The following TUBGCP3 variants were observed in gnomAD, a reference collection of about 807,000 sequenced individuals.
TUBGCP3 encodes gamma-tubulin complex component 3.
Under a neutral mutation model 123.1 loss-of-function variants are expected in TUBGCP3, and 50 were observed. The observed-to-expected ratio is 0.41, with a 90% CI of 0.32 to 0.51. TUBGCP3 has a LOEUF of 0.51. Among genes scored for constraint, TUBGCP3 ranks in the 20% least tolerant of loss-of-function variants. The probability of loss-of-function intolerance (pLI) is 0.36; values close to 1 mark genes in which losing one functional copy is unlikely to be tolerated. For missense variants in TUBGCP3, 882 were observed against 1,127.0 expected, an observed-to-expected ratio of 0.78 and a Z score of 3.11; for synonymous variants, 405 against 413.9, an observed-to-expected ratio of 0.98 and a Z score of 0.26.
chr13:112,568,534 G>A (rs113270090), intron 2 of TUBGCP3, among the ~76,000 whole-genome samples: 3,776 of 151,780 alleles, frequency 0.025, 74 homozygotes, highest in Middle Eastern at 0.055. Flanking sequence ...ACTTCTAGAA[G>A]GTGTTACTAC....
intron 11 of TUBGCP3, among the ~76,000 whole-genome samples, chr13:112,536,277 A>T (rs1878048998): frequency 6.6e-6 from 1 of 152,238 alleles, no homozygotes. Context: ...ATTTCTGCAA[A>T]GGCTGTTGGA....
At position 112,519,284 on chromosome 13, in the gene TUBGCP3, T is replaced by C. The variant is rs1876417370; in HGVS notation, c.1882-241A>G. 6.6e-6 allele frequency among the ~76,000 whole-genome samples: 1 copy of C among 152,196 alleles called. No individual in the cohort carries two copies. The highest frequency in any genetic ancestry group is 6.5e-5 in the Admixed American group (1 of 15,276). The stretch of plus-strand genomic sequence containing the variant: ...TCTGAATGAATATTGTGACTATGCG[T>C]TTAAAATTCATCACCATTTGCTTAC... On this transcript the variant is annotated intron_variant, in intron 15 of 21. Coordinates refer to ENST00000261965, the MANE Select transcript of TUBGCP3 (RefSeq NM_006322.6). The surrounding 1 kb of genome is among the most constrained non-coding windows in gnomAD (Gnocchi z 6.2).
In TUBGCP3 at chr13:112,548,100, A is replaced by T. The variant is rs576394702; in HGVS notation, c.1035+8T>A. 6.4e-7 allele frequency: 1 copy of T among 1,567,288 alleles called. No homozygotes were observed. The highest frequency in any genetic ancestry group is 1.4e-5 in the African/African-American group (1 of 73,194). On this transcript the variant is annotated splice_region_variant and intron_variant, in intron 9 of 21. Coordinates refer to ENST00000261965, the MANE Select transcript of TUBGCP3 (RefSeq NM_006322.6). The stretch of plus-strand genomic sequence containing the variant: ...ATAAAGAAATAAAAATAAAAATAAA[A>T]TATTTACCTGAGAATGTAAAACAGA...
chr13:112,549,294 T>A (rs573726961), intron 8 of TUBGCP3, among the ~76,000 whole-genome samples: 47 of 151,446 alleles, frequency 3.1e-4, no homozygotes, highest in African/African-American at 1.1e-3. Context: ...ATGAGAACAC[T>A]TGGACACAGG....
At chr13:112,492,574 T>C (rs114104698) in intron 20 of TUBGCP3, among the ~76,000 whole-genome samples, 1,990 of 149,728 alleles carry the variant, frequency 0.013, 41 homozygotes, top group African/African-American at 0.048. Flanking sequence ...CAGGGCCTGG[T>C]GTGTCTGAGA....
At chr13:112,503,923 A>G (rs1881100134) in intron 19 of TUBGCP3, 109 bp downstream of exon 19, 4 of 1,321,856 alleles carry the variant, frequency 3.0e-6, no homozygotes, top group East Asian at 2.3e-5. Flanking sequence ...CTGAATTATT[A>G]CCAATGTGGC....
intron 11 of TUBGCP3, among the ~76,000 whole-genome samples, chr13:112,534,888 G>A (rs541440311): frequency 1.3e-5 from 2 of 152,270 alleles, no homozygotes; most frequent in Admixed American, 6.5e-5. Flanking sequence ...AACTCCAGAA[G>A]ATTTTCATCA....
chr13:112,547,617 G>C lies in TUBGCP3; in HGVS notation c.1168+3C>G. 6.6e-7 allele frequency: 1 copy of C among 1,521,498 alleles called. No homozygotes were observed. The highest frequency in any genetic ancestry group is 1.4e-5 in the African/African-American group (1 of 71,526). 94.2% of individuals were successfully genotyped at this position (1,521,498 alleles called of 1,614,324 possible). A position where few individuals can be genotyped will look rare whatever the true frequency, so the allele number is the denominator to read the frequency against. ...ACGTGCGTGGGAAAGACGCGCGTGGGACCTTGGCAGTGGTCCACTAGGGCC... is the reference window on the plus strand; with the variant it reads ...ACGTGCGTGGGAAAGACGCGCGTGGCACCTTGGCAGTGGTCCACTAGGGCC... On this transcript the variant is annotated splice_donor_region_variant and intron_variant, in intron 10 of 21. Transcript: ENST00000261965.
intron 10 of TUBGCP3, chr13:112,546,469 A>T (rs1162563242): frequency 2.0e-5 from 3 of 152,634 alleles, no homozygotes; most frequent in Admixed American, 2.0e-4. Flanking sequence ...GAAGCACATG[A>T]AGAGTTCTTA....
chr13:112,530,276 T>A (rs1223464899), intron 11 of TUBGCP3, among the ~76,000 whole-genome samples: 2 of 152,240 alleles, frequency 1.3e-5, no homozygotes, highest in African/African-American at 2.4e-5. Context: ...ATATTATACT[T>A]CTAATATGCT....
the TUBGCP3 span, among the ~76,000 whole-genome samples, chr13:112,593,695 C>T: frequency 1.3e-5 from 2 of 151,868 alleles, no homozygotes; most frequent in Admixed American, 6.6e-5. Context: ...AAAAAAGATC[C>T]GAATGGCAAA....
upstream of TUBGCP3, among the ~76,000 whole-genome samples, chr13:112,589,277 C>G (rs1042535003): frequency 1.3e-5 from 2 of 152,236 alleles, no homozygotes; most frequent in Non-Finnish European, 2.9e-5. Context: ...CCCTCTCCCC[C>G]ACCTTCAGCT....
intron 5 of TUBGCP3, 56 bp downstream of exon 5, chr13:112,558,140 G>A (rs1256471892): frequency 5.2e-6 from 8 of 1,528,614 alleles, no homozygotes; most frequent in Non-Finnish European, 7.1e-6. Flanking sequence ...TTAACAGCCT[G>A]CAGGCGTCTC....
the TUBGCP3 span, chr13:112,604,924 T>A: frequency 6.6e-6 from 1 of 152,362 alleles, no homozygotes; most frequent in African/African-American, 2.4e-5. Flanking sequence ...CTTTATGGGA[T>A]TAATTTCCCT....
At chr13:112,495,009 T>C (rs1310065682) in intron 20 of TUBGCP3, among the ~76,000 whole-genome samples, 1 of 152,250 alleles carries the variant, frequency 6.6e-6, no homozygotes, top group Non-Finnish European at 1.5e-5. Flanking sequence ...TTTTCTCCCG[T>C]TCTCTGGGCT....
intron 5 of TUBGCP3, among the ~76,000 whole-genome samples, chr13:112,557,115 C>T (rs532293754): frequency 6.6e-6 from 1 of 152,280 alleles, no homozygotes; most frequent in African/African-American, 2.4e-5. Flanking sequence ...AAAACTATGT[C>T]TCTGGGCATA....
chr13:112,500,673 T>A (rs142232784), intron 19 of TUBGCP3, among the ~76,000 whole-genome samples: 20 of 151,268 alleles, frequency 1.3e-4, no homozygotes, highest in Non-Finnish European at 2.1e-4. Flanking sequence ...ACAGGAGAGG[T>A]TCCAAGCCTG....
chr13:112,557,195 A>C (rs1393423290), intron 5 of TUBGCP3, among the ~76,000 whole-genome samples: 1 of 152,234 alleles, frequency 6.6e-6, no homozygotes, highest in Non-Finnish European at 1.5e-5. Context: ...TTTTAATAGG[A>C]TAATAATTCA....
In TUBGCP3 at chr13:112,524,287, TG is replaced by T. The variant is rs1315566722; in HGVS notation, c.1556-1779del. The stretch of plus-strand genomic sequence containing the variant: ...GTTTTTTGTGTATTTTTTTAGTGGC[TG>T]CCTTTTTTTAAGTGTTTTTGATCCT... On this transcript the variant is annotated intron_variant, in intron 13 of 21. Transcript: ENST00000261965. This position sits in a 1 kb window ranked among gnomAD's most constrained non-coding sequence, Gnocchi z 4.4. 1.4e-4 allele frequency among the ~76,000 whole-genome samples: 22 copies of T among 152,354 alleles called. No individual in the cohort carries two copies. The South Asian group carries it at 2.3e-3, about 16-fold the overall frequency.
Sources: allele counts gnomAD v4.1 joint callset (sites outside exome capture counted in the v4.1 genomes callset), GRCh38; gene constraint gnomAD v4.1.1; non-coding constraint Gnocchi (gnomAD v3.1); transcripts MANE v1.5; gene names NCBI Gene and HGNC (gene_info 2026-07-23, HGNC 2026-07-21).